The following HACD2 variants were observed in gnomAD, a reference collection of about 807,000 sequenced individuals.
The protein encoded by HACD2 is 3-hydroxyacyl-CoA dehydratase 2, also known as very-long-chain (3R)-3-hydroxyacyl-CoA dehydratase 2.
HACD2 carries 15 observed loss-of-function variants against 31.0 expected under a neutral mutation model. That is an observed-to-expected ratio of 0.48 (90% CI 0.32 to 0.75). HACD2 has a LOEUF of 0.75. HACD2 is among the 30% of genes least tolerant of loss of function. The pLI, the probability that HACD2 is intolerant of heterozygous loss-of-function variation, is 0.03. For synonymous variants in HACD2, 115 were observed against 122.2 expected (o/e 0.94, Z 0.39); for missense variants, 283 against 313.0 (o/e 0.90, Z 0.72).
intron 4 of HACD2, among the ~76,000 whole-genome samples, chr3:123,506,013 G>A (rs752890679): frequency 6.6e-6 from 1 of 152,252 alleles, no homozygotes; most frequent in Non-Finnish European, 1.5e-5. Flanking sequence ...GGGGCGGCCA[G>A]GGCTGCTGCT....
chr3:123,546,704 T>C (rs2056563704), intron 3 of HACD2, among the ~76,000 whole-genome samples: 1 of 152,212 alleles, frequency 6.6e-6, no homozygotes. Flanking sequence ...AGAATTCTGG[T>C]ATGCATAACC....
intron 4 of HACD2, among the ~76,000 whole-genome samples, chr3:123,522,178 G>A (rs546778566): frequency 6.6e-6 from 1 of 152,158 alleles, no homozygotes; most frequent in Admixed American, 6.5e-5. Flanking sequence ...AATTAGCTGA[G>A]TGTGGTGGTG....
At chr3:123,514,136 G>A (rs751171428) in intron 4 of HACD2, among the ~76,000 whole-genome samples, 8 of 152,058 alleles carry the variant, frequency 5.3e-5, no homozygotes, top group Non-Finnish European at 8.8e-5. Context: ...TTAGCCGAGC[G>A]TGGTGGCAAG....
intron 6 of HACD2, among the ~76,000 whole-genome samples, chr3:123,499,057 A>C (rs1464882394): frequency 6.6e-6 from 1 of 152,214 alleles, no homozygotes. Flanking sequence ...TCAGTGTGGA[A>C]GCAGCTTGTT....
chr3:123,508,867 G>T (rs1398041235), intron 4 of HACD2, among the ~76,000 whole-genome samples: 2 of 152,180 alleles, frequency 1.3e-5, no homozygotes, highest in African/African-American at 4.8e-5. Flanking sequence ...AGCATGATTG[G>T]TTTCTGGTGA....
chr3:123,543,735 G>A, intron 3 of HACD2: 1 of 382,836 alleles, frequency 2.6e-6, no homozygotes. Flanking sequence ...TATGCATACA[G>A]ACCAGGTCTA....
rs78722006 is a variant in HACD2 at position 123,569,046 on chromosome 3, A to G, written c.274-1266T>C. 0.023 allele frequency among the ~76,000 whole-genome samples: 3,565 copies of G among 152,292 alleles called. 231 individuals carry two copies. The East Asian group carries it at 0.25, about 11-fold the overall frequency. ...TATCTAAAACATGCCTGAGCCTGAT[A>G]AGGCTCTGTGCCTTATCAAAAACTA... On this transcript the variant is annotated intron_variant, in intron 2 of 6. Transcript: ENST00000383657.
intron 4 of HACD2, among the ~76,000 whole-genome samples, chr3:123,504,256 T>C (rs1234188695): frequency 6.6e-6 from 1 of 152,212 alleles, no homozygotes; most frequent in East Asian, 1.9e-4. Context: ...TAAGGAGATA[T>C]GTTTTTACAG....
chr3:123,506,691 T>G (rs966859624), intron 4 of HACD2, among the ~76,000 whole-genome samples: 1 of 152,112 alleles, frequency 6.6e-6, no homozygotes, highest in South Asian at 2.1e-4. Context: ...CTCCTCGGCC[T>G]CCCAAAATGC....
At position 123,494,086 on chromosome 3, in the gene HACD2, T is replaced by C. The variant is rs903576; in HGVS notation, c.*802A>G. The C allele has an allele frequency of 0.94, 143,699 of 152,252 alleles. 68,368 individuals carry two copies. The highest frequency in any genetic ancestry group is 1 in the East Asian group (5,170 of 5,170). The allele number at this position is 152,252 out of a possible 1,614,324, so 9.4% of individuals were successfully genotyped here. On this transcript the variant is annotated 3_prime_UTR_variant, in exon 7 of 7. Transcript: ENST00000383657. ...ACGTTACTCAGAGGTGTTCTGAGAATGGTGCTGTGAAAAGGACTTGTCACT... is the reference window on the plus strand; with the variant it reads ...ACGTTACTCAGAGGTGTTCTGAGAACGGTGCTGTGAAAAGGACTTGTCACT...
intron 3 of HACD2, among the ~76,000 whole-genome samples, chr3:123,552,315 G>GA (rs1179823300): frequency 6.6e-6 from 1 of 152,150 alleles, no homozygotes; most frequent in Non-Finnish European, 1.5e-5. Context: ...ACTGGATAGG[G>GA]AAAGAGAAAG....
intron 4 of HACD2, among the ~76,000 whole-genome samples, chr3:123,503,264 A>C (rs1279022117): frequency 6.8e-6 from 1 of 146,538 alleles, no homozygotes; most frequent in Non-Finnish European, 1.5e-5. Flanking sequence ...GACTGTCTCA[A>C]AAAAAAAAAA....
At chr3:123,514,459 C>A (rs903012510) in intron 4 of HACD2, among the ~76,000 whole-genome samples, 2 of 152,020 alleles carry the variant, frequency 1.3e-5, no homozygotes, top group Non-Finnish European at 2.9e-5. Flanking sequence ...AGCAACCACT[C>A]CGGGGGTACA....
rs1329224004 is a variant in HACD2, at chr3:123,584,884, C to T, written c.144G>A (p.Val48=). The change falls in exon 1 of 7, where the codon GTG becomes GTA. Residue 48 remains valine (V), a synonymous_variant. Coordinates refer to ENST00000383657, the MANE Select transcript of HACD2 (RefSeq NM_198402.5). The part of the protein sequence containing the change: ...ATAYLVIYNV[V]MTAGWLVIAV... ...AGCCCCAGCCTCACCCGGCTGTCAT[C>T]ACCACATTGTAGATGACCAGGTACG... The T allele has an allele frequency of 6.6e-7, 1 of 1,514,132 alleles. No individual in the cohort carries two copies. The highest frequency in any genetic ancestry group is 2.8e-5 in the East Asian group (1 of 35,132). The allele number at this position is 1,514,132 out of a possible 1,614,324, so 93.8% of individuals were successfully genotyped here.
intron 3 of HACD2, among the ~76,000 whole-genome samples, chr3:123,551,325 A>G (rs1222366293): frequency 3.9e-5 from 6 of 152,130 alleles, no homozygotes; most frequent in Non-Finnish European, 7.4e-5. Context: ...AACTCGATAA[A>G]TGATAAATAT....
At chr3:123,560,548 C>T (rs905863580) in intron 3 of HACD2, among the ~76,000 whole-genome samples, 2 of 152,232 alleles carry the variant, frequency 1.3e-5, no homozygotes, top group South Asian at 2.1e-4. Context: ...CTGCCATCAC[C>T]ACCACTAAAC....
intron 3 of HACD2, among the ~76,000 whole-genome samples, chr3:123,563,794 G>A (rs530156027): frequency 2.6e-5 from 4 of 152,178 alleles, no homozygotes; most frequent in South Asian, 2.1e-4. Context: ...ACAAAGACAG[G>A]AAACCTTCTA....
At chr3:123,550,148 C>A (rs1490738931) in intron 3 of HACD2, among the ~76,000 whole-genome samples, 2 of 152,130 alleles carry the variant, frequency 1.3e-5, no homozygotes, top group Non-Finnish European at 2.9e-5. Context: ...GTTTCAACAA[C>A]AACAACAAAA....
intron 3 of HACD2, among the ~76,000 whole-genome samples, chr3:123,556,794 A>T (rs1482573448): frequency 6.6e-6 from 1 of 152,218 alleles, no homozygotes; most frequent in Non-Finnish European, 1.5e-5. Flanking sequence ...AAATGAGCAA[A>T]GACCTGAATA....
Sources: gnomAD v4.1 joint callset for allele counts (sites outside exome capture counted in the v4.1 genomes callset) on GRCh38, gnomAD v4.1.1 for gene constraint, MANE v1.5 for transcripts, NCBI Gene and HGNC (gene_info 2026-07-23, HGNC 2026-07-21) for gene names.